The following FRMPD3 variants were observed in gnomAD, a reference collection of about 807,000 sequenced individuals.
The protein encoded by FRMPD3 is FERM and PDZ domain-containing protein 3.
In FRMPD3, 42 loss-of-function variants were observed where a neutral mutation model predicts 97.9. The ratio of observed to expected loss-of-function variants is 0.43; its 90% CI spans 0.34 to 0.55. The LOEUF (loss-of-function observed/expected upper bound fraction) is 0.55. Ranked by LOEUF, FRMPD3 falls within the 20% of genes least tolerant of loss-of-function variation. The pLI is 0.03. For synonymous variants in FRMPD3, 577 were observed against 581.1 expected (o/e 0.99, Z 0.10); for missense variants, 1,303 against 1,457.7 (o/e 0.89, Z 1.73).
chrX:107,572,757 C>T (rs1269633985), intron 12 of FRMPD3, among the ~76,000 whole-genome samples: 1 of 109,112 alleles, frequency 9.2e-6, no homozygotes. Context: ...ATAAAAAAGC[C>T]TTCAGGGTCA....
At chrX:107,476,751 A>G (rs997812184) in intron 1 of FRMPD3, among the ~76,000 whole-genome samples, 3 of 112,757 alleles carry the variant, frequency 2.7e-5, no homozygotes, top group African/African-American at 9.7e-5. Context: ...TGCCAGAGTT[A>G]TATGCAGAAT....
In FRMPD3 at chrX:107,452,576, T is replaced by C. The variant is rs142948155; in HGVS notation, c.-8+2571T>C. ...GGCATTCTGCTGAGTGGCCAGACTA[T>C]TGGCCTGAACTCAGTAAGTGCCCCC... On this transcript the variant is annotated intron_variant, in intron 1 of 14. Coordinates refer to ENST00000683843, the MANE Select transcript of FRMPD3 (RefSeq NM_001388459.1). Among the ~76,000 whole-genome samples the C allele has an allele frequency of 4.5e-3, 503 of 111,682 alleles. 3 individuals carry two copies. The highest frequency in any genetic ancestry group is 0.015 in the African/African-American group (469 of 30,682).
chrX:107,592,413 C>A (rs1923950945), intron 13 of FRMPD3, among the ~76,000 whole-genome samples: 1 of 111,576 alleles, frequency 9.0e-6, no homozygotes, highest in Admixed American at 9.6e-5. Flanking sequence ...TAGATGGAAT[C>A]TCGCTCTGTC....
intron 12 of FRMPD3, among the ~76,000 whole-genome samples, chrX:107,575,981 G>A (rs1305558105): frequency 2.7e-5 from 3 of 111,734 alleles, no homozygotes; most frequent in East Asian, 2.8e-4. Flanking sequence ...CCGCTCTCCC[G>A]GCTGGCCTGT....
At position 107,532,753 on chromosome X, in the gene FRMPD3, C is replaced by A. The variant is rs763346909; in HGVS notation, c.252-752C>A. On this transcript the variant is annotated intron_variant, in intron 3 of 14. Transcript: ENST00000683843. ...ACTCTACTTCTTAAATGACTTTGTT[C>A]ACATAAACATTTGAAAAGGGCCAAT... Among the ~76,000 whole-genome samples the A allele has an allele frequency of 2.2e-3, 252 of 112,275 alleles. 1 individual carries two copies. The highest frequency in any genetic ancestry group is 7.8e-3 in the African/African-American group (240 of 30,928).
intron 13 of FRMPD3, among the ~76,000 whole-genome samples, chrX:107,585,912 T>C (rs191044100): frequency 8.9e-6 from 1 of 112,193 alleles, no homozygotes; most frequent in African/African-American, 3.2e-5. Flanking sequence ...TGTTTTTTTG[T>C]TGTGTCTCTT....
At chrX:107,531,029 A>C (rs918971780) in intron 3 of FRMPD3, among the ~76,000 whole-genome samples, 2 of 110,140 alleles carry the variant, frequency 1.8e-5, no homozygotes, top group African/African-American at 6.6e-5. Flanking sequence ...GCAGATGACA[A>C]AAGGAACATT....
rs989793012 is a variant in FRMPD3 at position 107,548,249 on chromosome X, A to G, written c.403-1800A>G. On this transcript the variant is annotated intron_variant, in intron 5 of 14. Transcript: ENST00000683843. ...CCTGTTGGTTTGCTTTGGTTTTATAATGTGTATGTGTGCCAAGTCACTACA... is the reference window on the plus strand; with the variant it reads ...CCTGTTGGTTTGCTTTGGTTTTATAGTGTGTATGTGTGCCAAGTCACTACA... 2.7e-5 allele frequency among the ~76,000 whole-genome samples: 3 copies of G among 112,561 alleles called. No homozygotes were observed. In the Admixed American group the frequency reaches 2.8e-4, roughly 11 times the overall value.
chrX:107,520,209 C>T lies in FRMPD3; in HGVS notation c.-7-6373C>T, dbSNP rs1922461167. On this transcript the variant is annotated intron_variant, in intron 1 of 14. Coordinates refer to ENST00000683843, the MANE Select transcript of FRMPD3 (RefSeq NM_001388459.1). ...AGAAAGCCAGTTCTGGGGCTGGAGTCTCTAATAGGTGAGCCGCTGGGTGTG... is the reference window on the plus strand; with the variant it reads ...AGAAAGCCAGTTCTGGGGCTGGAGTTTCTAATAGGTGAGCCGCTGGGTGTG... 2.7e-5 allele frequency among the ~76,000 whole-genome samples: 3 copies of T among 111,033 alleles called. No homozygotes were observed. The South Asian group carries it at 1.1e-3, about 42-fold the overall frequency.
At chrX:107,494,610 G>A (rs1462146027) in intron 1 of FRMPD3, among the ~76,000 whole-genome samples, 1 of 111,272 alleles carries the variant, frequency 9.0e-6, no homozygotes, top group East Asian at 2.8e-4. Context: ...ATGAGTAATA[G>A]CTATAATTTC....
chrX:107,480,919 A>G (rs1044929447), intron 1 of FRMPD3, among the ~76,000 whole-genome samples: 7 of 106,846 alleles, frequency 6.6e-5, no homozygotes, highest in African/African-American at 1.0e-4. Flanking sequence ...AAAGAAAGAA[A>G]GAAAGAAAGA....
rs930274340 is a variant in FRMPD3, at chrX:107,603,579, C to G, written c.*206C>G. 9 of 731,922 alleles carry G rather than the reference C, an allele frequency of 1.2e-5. No individual in the cohort carries two copies. The highest frequency in any genetic ancestry group is 3.7e-5 in the East Asian group (1 of 27,077). 60.3% of individuals were successfully genotyped at this position (731,922 alleles called of 1,213,427 possible). On this transcript the variant is annotated 3_prime_UTR_variant, in exon 15 of 15. Transcript: ENST00000683843. ...AGCTGCCGCCCTGGGTGTCCTCACCCCTTCCCTGGCCTCTGGGCCTCACTG... is the reference window on the plus strand; with the variant it reads ...AGCTGCCGCCCTGGGTGTCCTCACCGCTTCCCTGGCCTCTGGGCCTCACTG...
chrX:107,465,852 G>T (rs912538697), intron 1 of FRMPD3, among the ~76,000 whole-genome samples: 1 of 108,827 alleles, frequency 9.2e-6, no homozygotes, highest in Non-Finnish European at 1.9e-5. Flanking sequence ...TAAAATACTG[G>T]TCCTTTAAGC....
chrX:107,581,865 A>G (rs1341589933), intron 13 of FRMPD3, among the ~76,000 whole-genome samples: 6 of 112,327 alleles, frequency 5.3e-5, no homozygotes, highest in African/African-American at 1.6e-4. Flanking sequence ...ATAACATTCT[A>G]TTGTATGGAT....
chrX:107,464,301 T>C (rs937473592), intron 1 of FRMPD3, among the ~76,000 whole-genome samples: 1 of 111,687 alleles, frequency 9.0e-6, no homozygotes, highest in Non-Finnish European at 1.9e-5. Flanking sequence ...AATATAGCTA[T>C]CACGTTCCCT....
At chrX:107,553,389 C>T (rs979153715) in intron 7 of FRMPD3, among the ~76,000 whole-genome samples, 2 of 106,930 alleles carry the variant, frequency 1.9e-5, no homozygotes, top group African/African-American at 6.8e-5. Context: ...CAAAAATAGG[C>T]GGCATGTCAC....
chrX:107,490,223 C>T (rs1325461752), intron 1 of FRMPD3, among the ~76,000 whole-genome samples: 1 of 112,231 alleles, frequency 8.9e-6, no homozygotes, highest in African/African-American at 3.2e-5. Flanking sequence ...CACTACCATG[C>T]TGTTTTGGTT....
At chrX:107,568,148 G>A (rs1922689982) in intron 12 of FRMPD3, among the ~76,000 whole-genome samples, 1 of 110,977 alleles carries the variant, frequency 9.0e-6, no homozygotes, top group African/African-American at 3.3e-5. Flanking sequence ...GAGAAAAAAA[G>A]ATCAAGGTTT....
At chrX:107,515,992 G>A (rs1016037292) in intron 1 of FRMPD3, among the ~76,000 whole-genome samples, 2 of 106,931 alleles carry the variant, frequency 1.9e-5, no homozygotes, top group African/African-American at 3.4e-5. Context: ...ATCATTTAAC[G>A]TTAGGTATAT....
Sources: allele counts gnomAD v4.1 joint callset (sites outside exome capture counted in the v4.1 genomes callset), GRCh38; gene constraint gnomAD v4.1.1; transcripts MANE v1.5; gene names NCBI Gene and HGNC (gene_info 2026-07-23, HGNC 2026-07-21).